The following CNTN3 variants were observed in gnomAD, a reference collection of about 807,000 sequenced individuals.
CNTN3 encodes the protein contactin-3.
In CNTN3, 60 loss-of-function variants were observed where a neutral mutation model predicts 119.1. The observed-to-expected ratio is 0.50, with a 90% CI of 0.41 to 0.62. The LOEUF (loss-of-function observed/expected upper bound fraction) is 0.62. Ranked by LOEUF, CNTN3 falls within the 20% of genes least tolerant of loss-of-function variation. The pLI is 0.00. For missense variants in CNTN3, 1,101 were observed against 1,242.4 expected (o/e 0.89, Z 1.71); for synonymous variants, 450 against 438.7 (o/e 1.03, Z -0.32).
At chr3:74,275,025 C>T (rs1271003256) in intron 20 of CNTN3, among the ~76,000 whole-genome samples, 1 of 152,016 alleles carries the variant, frequency 6.6e-6, no homozygotes, top group Non-Finnish European at 1.5e-5. Flanking sequence ...AAAGTCTCAG[C>T]AATAGAATTG....
chr3:74,321,833 T>G (rs1444988785), intron 13 of CNTN3, among the ~76,000 whole-genome samples: 1 of 152,094 alleles, frequency 6.6e-6, no homozygotes, highest in Non-Finnish European at 1.5e-5. Flanking sequence ...CTGCCAAAAG[T>G]TATACAAAAA....
At chr3:74,297,143 CTT>C (rs1702355140) in intron 18 of CNTN3, among the ~76,000 whole-genome samples, 1 of 152,178 alleles carries the variant, frequency 6.6e-6, no homozygotes, top group Non-Finnish European at 1.5e-5. Flanking sequence ...GCTCCTGACT[CTT>C]CATCCAGTAA....
At chr3:74,316,682 T>C (rs1050283479) in intron 13 of CNTN3, among the ~76,000 whole-genome samples, 12 of 152,036 alleles carry the variant, frequency 7.9e-5, no homozygotes, top group African/African-American at 2.7e-4. Flanking sequence ...ATGGTGCACT[T>C]TGGGAGGCCG....
At chr3:74,336,047 T>C (rs1280068989) in intron 12 of CNTN3, among the ~76,000 whole-genome samples, 2 of 152,100 alleles carry the variant, frequency 1.3e-5, no homozygotes, top group African/African-American at 2.4e-5. Flanking sequence ...TTAGTGACAA[T>C]GTGCTCAAGG....
rs73121202 is a variant in CNTN3, at chr3:74,280,954, G to A, written c.2704+4351C>T. 9.1e-3 allele frequency among the ~76,000 whole-genome samples: 1,387 copies of A among 152,312 alleles called. 10 individuals carry two copies. Among genetic ancestry groups the A allele is most frequent in the Non-Finnish European group, 0.015 (1,013 of 68,028 alleles). ...ACCCAGGTGATATCTGAGTGACAAC[G>A]TGGAAGAGATGGGGGAGTGCATTAT... On this transcript the variant is annotated intron_variant, in intron 20 of 22. Coordinates refer to ENST00000263665, the MANE Select transcript of CNTN3 (RefSeq NM_020872.3).
chr3:74,311,656 T>C (rs1239189166), intron 13 of CNTN3, among the ~76,000 whole-genome samples: 1 of 152,186 alleles, frequency 6.6e-6, no homozygotes. Context: ...TCCATCTCAA[T>C]AAAGAGACAA....
chr3:74,580,084 T>C (rs6549631), intron 1 of CNTN3, among the ~76,000 whole-genome samples: 113,975 of 152,044 alleles, frequency 0.75, 43,452 homozygotes, highest in Non-Finnish European at 0.83. Flanking sequence ...AAACATTAGA[T>C]GACAATAAGA....
At chr3:74,595,837 C>T (rs577742128) in intron 1 of CNTN3, among the ~76,000 whole-genome samples, 2,752 of 152,114 alleles carry the variant, frequency 0.018, 69 homozygotes, top group African/African-American at 0.064. Flanking sequence ...AAGTTCTGGC[C>T]AGGGCAATTA....
chr3:74,479,043 G>A (rs1476545456), intron 4 of CNTN3, among the ~76,000 whole-genome samples: 1 of 152,056 alleles, frequency 6.6e-6, no homozygotes, highest in Non-Finnish European at 1.5e-5. Context: ...CAAGAATAGA[G>A]ATAAAAGTCA....
At chr3:74,570,696 AC>A (rs1704299625) in intron 1 of CNTN3, among the ~76,000 whole-genome samples, 1 of 152,184 alleles carries the variant, frequency 6.6e-6, no homozygotes, top group Non-Finnish European at 1.5e-5. Context: ...CTCTTTAAAA[AC>A]TAAGGATATG....
chr3:74,521,253 G>C, intron 1 of CNTN3, 61 bp from the exon 2 acceptor site: 1 of 423,114 alleles, frequency 2.4e-6, no homozygotes, highest in Non-Finnish European at 4.2e-6. Flanking sequence ...CTTTAAAAAA[G>C]AGATTTTCTT....
At chr3:74,344,497 C>A (rs924121144) in intron 11 of CNTN3, among the ~76,000 whole-genome samples, 2 of 137,926 alleles carry the variant, frequency 1.5e-5, no homozygotes, top group Non-Finnish European at 3.0e-5. Flanking sequence ...GCGATCTGGG[C>A]TCACTGCAAG....
At chr3:74,571,179 C>T (rs1009041248) in intron 1 of CNTN3, among the ~76,000 whole-genome samples, 1 of 152,148 alleles carries the variant, frequency 6.6e-6, no homozygotes, top group African/African-American at 2.4e-5. Flanking sequence ...GTTTGAGAGC[C>T]ATTTAATACA....
chr3:74,388,007 G>T (rs1704797129), intron 5 of CNTN3, among the ~76,000 whole-genome samples: 1 of 152,120 alleles, frequency 6.6e-6, no homozygotes, highest in Non-Finnish European at 1.5e-5. Context: ...TAGGTTAAAG[G>T]GGAAATGTTT....
In CNTN3 at chr3:74,485,237, C is replaced by A. The variant is rs10428142; in HGVS notation, c.358+1219G>T. Among the ~76,000 whole-genome samples, 994 of 151,868 alleles carry A rather than the reference C, an allele frequency of 6.5e-3. 9 individuals are homozygous for A. The highest frequency in any genetic ancestry group is 0.021 in the African/African-American group (884 of 41,488). ...TATAGCTCAAGAGGAAAAAGGAAAC[C>A]AAACTCTTTGTTTAAAACAGAGAAA... is the stretch of plus-strand genomic sequence containing the variant. On this transcript the variant is annotated intron_variant, in intron 4 of 22. Coordinates refer to ENST00000263665, the MANE Select transcript of CNTN3 (RefSeq NM_020872.3).
chr3:74,387,849 T>C lies in CNTN3; in HGVS notation c.455-16450A>G, dbSNP rs562736247. ...ATTGAAAATGAAAGAAAGGTCTCCA[T>C]TCTACTTAACTTTTGAAGCTTAATG... On this transcript the variant is annotated intron_variant, in intron 5 of 22. Coordinates refer to ENST00000263665, the MANE Select transcript of CNTN3 (RefSeq NM_020872.3). Among the ~76,000 whole-genome samples the C allele has an allele frequency of 4.6e-5, 7 of 152,320 alleles. 1 individual carries two copies. The South Asian group carries it at 1.4e-3, about 32-fold the overall frequency.
At chr3:74,293,024 C>CTCTG (rs3084510) in intron 19 of CNTN3, among the ~76,000 whole-genome samples, 1 of 151,884 alleles carries the variant, frequency 6.6e-6, no homozygotes, top group South Asian at 2.1e-4. Flanking sequence ...TCTTCATACT[C>CTCTG]TCTCTTCCTT....
chr3:74,517,218 G>A (rs1703465446), intron 2 of CNTN3, among the ~76,000 whole-genome samples: 1 of 151,920 alleles, frequency 6.6e-6, no homozygotes, highest in African/African-American at 2.4e-5. Context: ...TAACCTGCAT[G>A]TGCTGACTTA....
intron 13 of CNTN3, among the ~76,000 whole-genome samples, chr3:74,311,034 T>G (rs1559696134): frequency 6.6e-6 from 1 of 152,220 alleles, no homozygotes; most frequent in Non-Finnish European, 1.5e-5. Flanking sequence ...TGCAGGCTCT[T>G]TTGAGCTGAC....
Sources: allele counts gnomAD v4.1 joint callset (sites outside exome capture counted in the v4.1 genomes callset), GRCh38; gene constraint gnomAD v4.1.1; transcripts MANE v1.5; gene names NCBI Gene and HGNC (gene_info 2026-07-23, HGNC 2026-07-21).